SFRP1: variants seen among roughly 807,000 people sequenced by gnomAD.
SFRP1 encodes secreted frizzled related protein 1, also known as secreted frizzled-related protein 1.
A neutral mutation model predicts 25.9 loss-of-function variants in SFRP1; 9 were observed. The ratio of observed to expected loss-of-function variants is 0.35; its 90% CI spans 0.21 to 0.61. The LOEUF (loss-of-function observed/expected upper bound fraction) is 0.61. Among genes scored for constraint, SFRP1 ranks in the 20% least tolerant of loss-of-function variants. The pLI is 0.78. For missense variants in SFRP1, 346 were observed against 418.2 expected (o/e 0.83, Z 1.51); for synonymous variants, 178 against 174.0 (o/e 1.02, Z -0.18).
chr8:41,276,412 G>A (rs1165030897), intron 2 of SFRP1, among the ~76,000 whole-genome samples: 1 of 152,184 alleles, frequency 6.6e-6, no homozygotes, highest in Non-Finnish European at 1.5e-5. Context: ...AGCTGGCTTT[G>A]CGGCACTAGG....
rs1279685391 is a variant in SFRP1 at position 41,268,873 on chromosome 8, A to T, written c.623-3384T>A. On this transcript the variant is annotated intron_variant, in intron 2 of 2. Transcript: ENST00000220772. Reference sequence around the variant, plus strand: ...TGCTCACAGGGCCTGGGCCCCAGCGATGTTGCCCATGGCCTGAATTTGCAA... The same window carrying T: ...TGCTCACAGGGCCTGGGCCCCAGCGTTGTTGCCCATGGCCTGAATTTGCAA... 2.6e-5 allele frequency among the ~76,000 whole-genome samples: 4 copies of T among 152,224 alleles called. No individual in the cohort carries two copies. In the East Asian group the frequency reaches 5.8e-4, roughly 22 times the overall value.
chr8:41,279,881 C>T (rs1178839042), intron 2 of SFRP1, among the ~76,000 whole-genome samples: 1 of 152,152 alleles, frequency 6.6e-6, no homozygotes, highest in African/African-American at 2.4e-5. Flanking sequence ...ATAGTGTCAA[C>T]AAGCACAGTT....
Position 41,264,463 on chromosome 8 carries a change from T to A in SFRP1, c.*704A>T, listed in dbSNP as rs1169462788. The A allele has an allele frequency of 6.6e-6, 1 of 152,190 alleles. No homozygotes were observed. The highest frequency in any genetic ancestry group is 2.4e-5 in the African/African-American group (1 of 41,446). 9.4% of individuals were successfully genotyped at this position (152,190 alleles called of 1,614,324 possible). On this transcript the variant is annotated 3_prime_UTR_variant, in exon 3 of 3. Transcript: ENST00000220772. ...CCCTCCACATGTCTTGGGGATCAGATCATGCCCCGGGCTCATAGGAACCGA... is the reference window on the plus strand; with the variant it reads ...CCCTCCACATGTCTTGGGGATCAGAACATGCCCCGGGCTCATAGGAACCGA...
At chr8:41,308,205 C>T (rs985248669) in intron 1 of SFRP1, among the ~76,000 whole-genome samples, 13 of 152,242 alleles carry the variant, frequency 8.5e-5, no homozygotes, top group African/African-American at 3.1e-4. Flanking sequence ...TTTTTTCCTC[C>T]CGTCTCAGAG....
At chr8:41,270,182 C>A (rs909019577) in intron 2 of SFRP1, among the ~76,000 whole-genome samples, 6 of 152,180 alleles carry the variant, frequency 3.9e-5, no homozygotes, top group African/African-American at 1.4e-4. Context: ...AGCCATATCA[C>A]CAAGCTTCTG....
At chr8:41,267,861 G>T (rs184393846) in intron 2 of SFRP1, among the ~76,000 whole-genome samples, 1 of 152,246 alleles carries the variant, frequency 6.6e-6, no homozygotes, top group East Asian at 1.9e-4. Context: ...CCCAAACTTG[G>T]AGTACTGATT....
Position 41,309,075 on chromosome 8 carries a change from C to T in SFRP1, c.85G>A (p.Gly29Ser), listed in dbSNP as rs746183289. ...ACGTAGTCGTACTCGCTGGCCGAGCCCACGGCCAGAAGCGCCGCGCCCAGC... is the reference window on the plus strand; with the variant it reads ...ACGTAGTCGTACTCGCTGGCCGAGCTCACGGCCAGAAGCGCCGCGCCCAGC... ...LALGAALLAV[G>S]SASEYDYVSF... Residue 29 changes from glycine (G) to serine (S), a missense_variant, in exon 1 of 3, where the codon GGC becomes AGC. By Grantham distance (56) the Gly-to-Ser change is moderately conservative (BLOSUM62 0). Coordinates refer to ENST00000220772, the MANE Select transcript of SFRP1 (RefSeq NM_003012.5). 1.3e-6 allele frequency: 2 copies of T among 1,597,762 alleles called. No individual in the cohort carries two copies. Among genetic ancestry groups the T allele is most frequent in the South Asian group, 2.2e-5 (2 of 90,578 alleles).
At chr8:41,301,943 C>G (rs948681229) in intron 2 of SFRP1, among the ~76,000 whole-genome samples, 1 of 152,250 alleles carries the variant, frequency 6.6e-6, no homozygotes, top group East Asian at 1.9e-4. Flanking sequence ...GACCCCTGCC[C>G]TACACCTTAA....
intron 2 of SFRP1, chr8:41,276,962 C>T (rs2117488962): frequency 2.2e-6 from 1 of 456,400 alleles, no homozygotes; most frequent in Non-Finnish European, 4.4e-6. Flanking sequence ...GCATACACAC[C>T]AGCAGCATCG....
chr8:41,289,663 C>T (rs551165318), intron 2 of SFRP1, among the ~76,000 whole-genome samples: 3 of 152,352 alleles, frequency 2.0e-5, no homozygotes, highest in African/African-American at 7.2e-5. Flanking sequence ...GAAGTGACTC[C>T]TGCCCAGAGA....
In SFRP1 at chr8:41,279,097, C is replaced by T. The variant is rs556467475; in HGVS notation, c.623-13608G>A. The stretch of plus-strand genomic sequence containing the variant: ...ATGACCCACGAGTGTTCCTACCTCT[C>T]CTCCTCCCCTCTGTGAGCTCATGTA... On this transcript the variant is annotated intron_variant, in intron 2 of 2. Transcript: ENST00000220772. Among the ~76,000 whole-genome samples, 68 of 152,182 alleles carry T rather than the reference C, an allele frequency of 4.5e-4. 1 individual carries two copies. The South Asian group carries it at 0.014, about 32-fold the overall frequency.
At chr8:41,290,587 C>A (rs1291664414) in intron 2 of SFRP1, among the ~76,000 whole-genome samples, 1 of 152,208 alleles carries the variant, frequency 6.6e-6, no homozygotes, top group African/African-American at 2.4e-5. Context: ...CACAGGTGTC[C>A]CGGGGGCACT....
intron 2 of SFRP1, among the ~76,000 whole-genome samples, chr8:41,301,138 G>A (rs1400621019): frequency 6.6e-6 from 1 of 152,194 alleles, no homozygotes; most frequent in Non-Finnish European, 1.5e-5. Flanking sequence ...CTTACCCAGG[G>A]AAATGCACCC....
chr8:41,283,064 C>A (rs1330507041), intron 2 of SFRP1, among the ~76,000 whole-genome samples: 2 of 152,158 alleles, frequency 1.3e-5, no homozygotes, highest in Non-Finnish European at 2.9e-5. Context: ...AATTTAGATT[C>A]TTGCTTTTAT....
chr8:41,284,150 G>T (rs1358954611), intron 2 of SFRP1, among the ~76,000 whole-genome samples: 1 of 152,186 alleles, frequency 6.6e-6, no homozygotes, highest in Non-Finnish European at 1.5e-5. Context: ...GGAAGCTGGA[G>T]AATCCAAGAA....
At chr8:41,269,270 GT>G (rs1012659150) in intron 2 of SFRP1, among the ~76,000 whole-genome samples, 2 of 151,966 alleles carry the variant, frequency 1.3e-5, no homozygotes, top group African/African-American at 4.8e-5. Context: ...AAAATTATGT[GT>G]TTTTTTTCTT....
intron 2 of SFRP1, chr8:41,275,059 A>G (rs1042896447): frequency 3.0e-6 from 1 of 330,134 alleles, no homozygotes; most frequent in Non-Finnish European, 5.9e-6. Context: ...GATTTAGTCA[A>G]TCCCCATCAT....
intron 2 of SFRP1, among the ~76,000 whole-genome samples, chr8:41,285,423 C>T (rs1395842912): frequency 1.3e-5 from 2 of 152,232 alleles, no homozygotes; most frequent in Non-Finnish European, 2.9e-5. Flanking sequence ...TCCCTCATTT[C>T]TTCCACAAAT....
In SFRP1 at chr8:41,264,821, G is replaced by A; in HGVS notation, c.*346C>T. The stretch of plus-strand genomic sequence containing the variant: ...TTGCAAAATGTAGTTTTTGCTGCTG[G>A]CTCTCACTTTCCGCCCAATCCCCCT... On this transcript the variant is annotated 3_prime_UTR_variant, in exon 3 of 3. Coordinates refer to ENST00000220772, the MANE Select transcript of SFRP1 (RefSeq NM_003012.5). 1 of 230,816 alleles carries A rather than the reference G, an allele frequency of 4.3e-6. No individual in the cohort carries two copies. The allele number at this position is 230,816 out of a possible 1,614,324, so 14.3% of individuals were successfully genotyped here. A position where few individuals can be genotyped will look rare whatever the true frequency, so the allele number is the denominator to read the frequency against.
Sources: gnomAD v4.1 joint callset for allele counts (sites outside exome capture counted in the v4.1 genomes callset) on GRCh38, gnomAD v4.1.1 for gene constraint, MANE v1.5 for transcripts, NCBI Gene and HGNC (gene_info 2026-07-23, HGNC 2026-07-21) for gene names.